TRAPPC9: variants seen among roughly 807,000 people sequenced by gnomAD.
The protein encoded by TRAPPC9 is trafficking protein particle complex subunit 9.
In TRAPPC9, 83 loss-of-function variants were observed where a neutral mutation model predicts 124.0. The observed-to-expected ratio is 0.67, with a 90% CI of 0.56 to 0.80. The LOEUF (loss-of-function observed/expected upper bound fraction) is 0.80, where lower values mean the gene tolerates loss of function less well. Among genes scored for constraint, TRAPPC9 ranks in the 30% least tolerant of loss-of-function variants. TRAPPC9 has a pLI of 0.00. For missense variants in TRAPPC9, 1,302 were observed against 1,508.3 expected (o/e 0.86, Z 2.27); for synonymous variants, 638 against 617.5 (o/e 1.03, Z -0.49).
intron 17 of TRAPPC9, among the ~76,000 whole-genome samples, chr8:140,166,377 G>C (rs1176689726): frequency 6.6e-6 from 1 of 152,216 alleles, no homozygotes; most frequent in Non-Finnish European, 1.5e-5. Context: ...TGATTGAAAA[G>C]TCGTTCCTCC....
At chr8:140,370,338 C>T (rs1332408467) in intron 8 of TRAPPC9, among the ~76,000 whole-genome samples, 1 of 151,994 alleles carries the variant, frequency 6.6e-6, no homozygotes, top group African/African-American at 2.4e-5. Context: ...AGTGTTTCAC[C>T]ATGTTGGCCA....
At chr8:139,748,444 AG>A (rs34663539) in intron 21 of TRAPPC9, among the ~76,000 whole-genome samples, 28,964 of 86,278 alleles carry the variant, frequency 0.34, 4,953 homozygotes, top group Non-Finnish European at 0.43. Context: ...GGAGGTGTGC[AG>A]GGATCAGAGA....
At chr8:140,206,671 T>A (rs1373722196) in intron 17 of TRAPPC9, among the ~76,000 whole-genome samples, 1 of 152,066 alleles carries the variant, frequency 6.6e-6, no homozygotes. Flanking sequence ...TCACCTTACA[T>A]GCTCTGACCT....
intron 17 of TRAPPC9, among the ~76,000 whole-genome samples, chr8:140,030,717 A>C (rs969656540): frequency 1.3e-4 from 20 of 152,248 alleles, no homozygotes; most frequent in African/African-American, 4.8e-4. Flanking sequence ...AACATGGAAG[A>C]ATCCAAAACC....
intron 18 of TRAPPC9, among the ~76,000 whole-genome samples, chr8:140,005,475 G>A (rs577990255): frequency 5.3e-5 from 8 of 152,256 alleles, no homozygotes; most frequent in African/African-American, 1.4e-4. Flanking sequence ...AATTCTAAGC[G>A]GCAGCCTGGT....
chr8:139,755,206 T>C (rs993890442), intron 21 of TRAPPC9, among the ~76,000 whole-genome samples: 1 of 152,156 alleles, frequency 6.6e-6, no homozygotes, highest in Non-Finnish European at 1.5e-5. Flanking sequence ...TTGTGCTGAG[T>C]GAATCAGTGA....
chr8:139,953,256 C>T (rs1226483467), intron 19 of TRAPPC9, among the ~76,000 whole-genome samples: 1 of 152,216 alleles, frequency 6.6e-6, no homozygotes, highest in Non-Finnish European at 1.5e-5. Context: ...CTTTGGGAGG[C>T]CGAGGCAGGT....
intron 17 of TRAPPC9, among the ~76,000 whole-genome samples, chr8:140,052,274 T>C (rs780896429): frequency 2.0e-5 from 3 of 152,116 alleles, no homozygotes; most frequent in Admixed American, 1.3e-4. Flanking sequence ...TTTCTCTTAA[T>C]TGGATGTAAA....
intron 21 of TRAPPC9, among the ~76,000 whole-genome samples, chr8:139,738,303 G>A (rs184914364): frequency 5.8e-4 from 88 of 152,310 alleles, no homozygotes; most frequent in South Asian, 2.1e-3. Flanking sequence ...GACTTCCTTC[G>A]CAACAGAAGG....
intron 21 of TRAPPC9, among the ~76,000 whole-genome samples, chr8:139,778,412 G>A (rs1586823283): frequency 6.6e-6 from 1 of 152,132 alleles, no homozygotes; most frequent in Non-Finnish European, 1.5e-5. Context: ...CCCAATGAAA[G>A]ATTACCAGGC....
At chr8:140,065,880 C>A (rs1372097660) in intron 17 of TRAPPC9, among the ~76,000 whole-genome samples, 2 of 152,212 alleles carry the variant, frequency 1.3e-5, no homozygotes, top group Non-Finnish European at 2.9e-5. Context: ...GGGAATTTTG[C>A]AAACATTGAC....
intron 19 of TRAPPC9, among the ~76,000 whole-genome samples, chr8:139,943,224 G>A (rs1367156583): frequency 2.0e-5 from 3 of 152,068 alleles, no homozygotes; most frequent in Admixed American, 1.3e-4. Flanking sequence ...ATACCACCAC[G>A]CCCAGCTAAT....
chr8:139,906,184 G>T (rs1280852310), intron 20 of TRAPPC9, among the ~76,000 whole-genome samples: 1 of 152,236 alleles, frequency 6.6e-6, no homozygotes, highest in East Asian at 1.9e-4. Flanking sequence ...ACCAGAATGT[G>T]ACCCCCACTC....
chr8:139,905,704 AC>A (rs1223142014), intron 20 of TRAPPC9, among the ~76,000 whole-genome samples: 2 of 151,702 alleles, frequency 1.3e-5, no homozygotes, highest in African/African-American at 4.8e-5. Context: ...AGCTTGCTGT[AC>A]AGTAGCTAAC....
intron 13 of TRAPPC9, 72 bp from the exon 14 acceptor site, chr8:140,284,093 C>T (rs771926551): frequency 3.2e-5 from 51 of 1,597,320 alleles, no homozygotes; most frequent in East Asian, 4.5e-5. Context: ...TGAAGCAGTG[C>T]GAAGAGTACG....
At chr8:140,300,834 G>A (rs2065955952) in intron 10 of TRAPPC9, among the ~76,000 whole-genome samples, 1 of 152,226 alleles carries the variant, frequency 6.6e-6, no homozygotes, top group African/African-American at 2.4e-5. Context: ...CTGGAACTGG[G>A]GGAGCAGCCA....
chr8:139,843,260 C>T (rs1826856278), intron 21 of TRAPPC9, among the ~76,000 whole-genome samples: 1 of 152,200 alleles, frequency 6.6e-6, no homozygotes, highest in Non-Finnish European at 1.5e-5. Flanking sequence ...TAAACTGAGG[C>T]TCAGAAAAGT....
chr8:140,405,806 T>G, intron 5 of TRAPPC9, 108 bp from the exon 6 acceptor site: 2 of 1,273,076 alleles, frequency 1.6e-6, no homozygotes, highest in East Asian at 2.5e-5. Flanking sequence ...CTACTGAAAT[T>G]TAAATAATGT....
chr8:140,177,297 A>C (rs1157621508), intron 17 of TRAPPC9, among the ~76,000 whole-genome samples: 1 of 152,176 alleles, frequency 6.6e-6, no homozygotes, highest in Non-Finnish European at 1.5e-5. Context: ...TCTATGATCC[A>C]TTTTGATCTA....
Sources: allele counts gnomAD v4.1 joint callset (sites outside exome capture counted in the v4.1 genomes callset), GRCh38; gene constraint gnomAD v4.1.1; transcripts MANE v1.5; gene names NCBI Gene and HGNC (gene_info 2026-07-23, HGNC 2026-07-21).